PCDHA4: variants seen among roughly 807,000 people sequenced by gnomAD.
PCDHA4 encodes protocadherin alpha-4.
A neutral mutation model predicts 61.4 loss-of-function variants in PCDHA4; 49 were observed. That is an observed-to-expected ratio of 0.80 (90% CI 0.63 to 1.01). The LOEUF (loss-of-function observed/expected upper bound fraction) is 1.01. Among genes scored for constraint, PCDHA4 ranks in the 50% least tolerant of loss-of-function variants. The pLI is 0.00. For missense variants in PCDHA4, 1,254 were observed against 1,235.8 expected (o/e 1.01, Z -0.22); for synonymous variants, 590 against 550.3 (o/e 1.07, Z -1.01).
At chr5:140,974,879 A>G (rs1259634156) in intron 1 of PCDHA4, among the ~76,000 whole-genome samples, 1 of 152,212 alleles carries the variant, frequency 6.6e-6, no homozygotes, top group Non-Finnish European at 1.5e-5. Flanking sequence ...CAGTCTATGT[A>G]TCCCTTTTCT....
At chr5:140,968,877 T>A in intron 1 of PCDHA4, 1 of 1,614,226 alleles carries the variant, frequency 6.2e-7, no homozygotes, top group South Asian at 1.1e-5. Flanking sequence ...TACTCTGAAA[T>A]TACCCTTTAT....
At chr5:140,883,477 C>T (rs2059632046) in intron 1 of PCDHA4, 2 of 1,614,054 alleles carry the variant, frequency 1.2e-6, no homozygotes, top group Non-Finnish European at 1.7e-6. Flanking sequence ...CCTACAAGAA[C>T]TACTACTCAT....
intron 1 of PCDHA4, among the ~76,000 whole-genome samples, chr5:140,902,203 C>CTTTT (rs148688132): frequency 2.0e-4 from 25 of 124,426 alleles, no homozygotes; most frequent in African/African-American, 2.5e-4. Flanking sequence ...CTCTCTCTTT[C>CTTTT]TTTTTTTTTT....
chr5:140,966,515 G>A, intron 1 of PCDHA4: 1 of 436,996 alleles, frequency 2.3e-6, no homozygotes, highest in East Asian at 3.5e-5. Context: ...AGCAGCAGCA[G>A]GAAGCCGAGC....
At chr5:140,871,783 G>C (rs1460496699) in intron 1 of PCDHA4, among the ~76,000 whole-genome samples, 3 of 152,196 alleles carry the variant, frequency 2.0e-5, no homozygotes, top group African/African-American at 7.2e-5. Flanking sequence ...GTAGTCACTT[G>C]AGTAGAAATA....
chr5:140,827,773 C>T (rs1296750713), intron 1 of PCDHA4, among the ~76,000 whole-genome samples: 1 of 152,120 alleles, frequency 6.6e-6, no homozygotes, highest in East Asian at 1.9e-4. Context: ...TAAAAGAAGT[C>T]GGGATAACAC....
chr5:140,816,388 A>T (rs1012535188), intron 1 of PCDHA4: 2 of 152,194 alleles, frequency 1.3e-5, no homozygotes, highest in African/African-American at 2.4e-5. Context: ...TGAAATTCTG[A>T]TTCTGCTTAT....
chr5:140,978,427 GTTGCT>G (rs2096802128), intron 1 of PCDHA4, among the ~76,000 whole-genome samples: 1 of 152,196 alleles, frequency 6.6e-6, no homozygotes, highest in Non-Finnish European at 1.5e-5. Context: ...ACTGTTATCA[GTTGCT>G]GGTGTTATGA....
At chr5:140,970,773 T>G (rs1385909769) in intron 1 of PCDHA4, among the ~76,000 whole-genome samples, 1 of 152,240 alleles carries the variant, frequency 6.6e-6, no homozygotes, top group Non-Finnish European at 1.5e-5. Context: ...TTGCTGTACA[T>G]ACATATTGTA....
At position 140,808,912 on chromosome 5, in the gene PCDHA4, C is replaced by T. The variant is rs538609667; in HGVS notation, c.1725C>T (p.Gly575=). The T allele has an allele frequency of 9.9e-6, 16 of 1,613,494 alleles. No homozygotes were observed. The South Asian group carries it at 1.1e-4, about 11-fold the overall frequency. Residue 575 remains glycine (G), a synonymous_variant, in exon 1 of 4, where the codon GGC becomes GGT. Coordinates refer to ENST00000530339, the MANE Select transcript of PCDHA4 (RefSeq NM_018907.4). ...CGCCTCGGGCGGGTGGCACTGGTGGCGCAGTGAGCGAGCTGGTGCCATGGT... is the reference window on the plus strand; with the variant it reads ...CGCCTCGGGCGGGTGGCACTGGTGGTGCAGTGAGCGAGCTGGTGCCATGGT... ...LLAPRAGGTG[G]AVSELVPWSV... is the part of the protein sequence containing the mutation.
chr5:140,903,768 T>C (rs1211667697), intron 1 of PCDHA4, among the ~76,000 whole-genome samples: 1 of 152,212 alleles, frequency 6.6e-6, no homozygotes, highest in Non-Finnish European at 1.5e-5. Flanking sequence ...TGCTGAACTT[T>C]TCTATCCATA....
intron 1 of PCDHA4, among the ~76,000 whole-genome samples, chr5:140,933,870 T>C (rs2089481018): frequency 6.6e-6 from 1 of 152,092 alleles, no homozygotes. Context: ...CAGATATATG[T>C]TAGTTTTATC....
At chr5:140,951,403 G>A (rs62384504) in intron 1 of PCDHA4, among the ~76,000 whole-genome samples, 5,903 of 152,130 alleles carry the variant, frequency 0.039, 173 homozygotes, top group Non-Finnish European at 0.058. Flanking sequence ...AAGAAAAGAG[G>A]TTTAATTGGC....
At chr5:140,893,119 C>T (rs2063831505) in intron 1 of PCDHA4, among the ~76,000 whole-genome samples, 1 of 152,174 alleles carries the variant, frequency 6.6e-6, no homozygotes, top group Admixed American at 6.5e-5. Context: ...TGTGCATATA[C>T]ACCACATTTT....
At chr5:140,920,611 C>T (rs919244668) in intron 1 of PCDHA4, among the ~76,000 whole-genome samples, 4 of 152,068 alleles carry the variant, frequency 2.6e-5, no homozygotes, top group Non-Finnish European at 5.9e-5. Flanking sequence ...TTTGGGAGGC[C>T]GAGGCGGATG....
intron 1 of PCDHA4, among the ~76,000 whole-genome samples, chr5:140,936,322 A>C (rs1225268806): frequency 2.6e-5 from 4 of 152,196 alleles, no homozygotes; most frequent in Admixed American, 6.5e-5. Context: ...CTGACATGCT[A>C]TAAATTTTCT....
Position 140,822,346 on chromosome 5 carries a change from T to C in PCDHA4, c.2385+12774T>C, listed in dbSNP as rs1304224599. The stretch of plus-strand genomic sequence containing the variant: ...AACAAATGAAGAAGAAACGAACTTT[T>C]TAGAGCTGGTTTTGAGGAAATCCTT... On this transcript the variant is annotated intron_variant, in intron 1 of 3. Coordinates refer to ENST00000530339, the MANE Select transcript of PCDHA4 (RefSeq NM_018907.4). The C allele has an allele frequency of 2.5e-6, 4 of 1,613,992 alleles. No homozygotes were observed. In the African/African-American group the frequency reaches 5.3e-5, roughly 22 times the overall value.
chr5:140,853,755 C>A, intron 1 of PCDHA4: 3 of 988,492 alleles, frequency 3.0e-6, no homozygotes, highest in Non-Finnish European at 3.7e-6. Flanking sequence ...CAAGGCTCCA[C>A]CTCAGAAATT....
At chr5:140,883,757 C>A (rs369534214) in intron 1 of PCDHA4, 175 of 1,612,790 alleles carry the variant, frequency 1.1e-4, no homozygotes, top group Non-Finnish European at 1.5e-4. Flanking sequence ...GCTGGTGGAG[C>A]GGCGGGTGGG....
Sources: allele counts gnomAD v4.1 joint callset (sites outside exome capture counted in the v4.1 genomes callset), GRCh38; gene constraint gnomAD v4.1.1; transcripts MANE v1.5; gene names NCBI Gene and HGNC (gene_info 2026-07-23, HGNC 2026-07-21).